MLPH: variants seen among roughly 807,000 people sequenced by gnomAD.
The protein encoded by MLPH is melanophilin.
MLPH carries 51 observed loss-of-function variants against 72.1 expected under a neutral mutation model. That is an observed-to-expected ratio of 0.71 (90% confidence interval 0.56 to 0.89). The LOEUF is 0.89. MLPH is among the 40% of genes least tolerant of loss of function. The pLI is 0.00. For missense variants in MLPH, 743 were observed against 759.9 expected (o/e 0.98, Z 0.26); for synonymous variants, 301 against 310.1 (o/e 0.97, Z 0.31).
At chr2:237,525,454 T>C (rs143443817) in intron 6 of MLPH, 147 bp from the exon 7 acceptor site, 4 of 728,162 alleles carry the variant, frequency 5.5e-6, no homozygotes, top group South Asian at 3.3e-5. Context: ...CAGAACTGAG[T>C]GGCAGGGGCC....
chr2:237,516,958 T>C (rs564093044), intron 4 of MLPH, among the ~76,000 whole-genome samples: 139 of 149,946 alleles, frequency 9.3e-4, no homozygotes, highest in African/African-American at 3.2e-3. Flanking sequence ...GATAGGTGGA[T>C]AGATAGGTGG....
In MLPH at chr2:237,540,491, C is replaced by T. The variant is rs767501322; in HGVS notation, c.1248C>T (p.Asn416=). The T allele has an allele frequency of 6.2e-7, 1 of 1,612,902 alleles. No homozygotes were observed. Among genetic ancestry groups the T allele is most frequent in the Non-Finnish European group, 8.5e-7 (1 of 1,179,950 alleles). ...CCAAGGACGAAAAGGCAGAGCCCAA[C>T]AGGGACAAATCAGTTGGGCCTCTCC... is the stretch of plus-strand genomic sequence containing the variant. The part of the protein sequence containing the change: ...EEAKDEKAEP[N]RDKSVGPLPQ... The change falls in exon 10 of 16, where the codon AAC becomes AAT. Residue 416 remains asparagine (N), a synonymous_variant. Coordinates refer to ENST00000264605, the MANE Select transcript of MLPH (RefSeq NM_024101.7).
At position 237,540,110 on chromosome 2, in the gene MLPH, A is replaced by G. The variant is rs13429623; in HGVS notation, c.1105-238A>G. 0.26 allele frequency among the ~76,000 whole-genome samples: 40,139 copies of G among 152,210 alleles called. 8,248 individuals are homozygous for G. Among genetic ancestry groups the G allele is most frequent in the African/African-American group, 0.57 (23,471 of 41,494 alleles). ...GAGAAAAAAAATGTGGGTCTTAGAT[A>G]GCCAGGGGTGGTGGTCAGCTTTCCC... On this transcript the variant is annotated intron_variant, in intron 9 of 15. Transcript: ENST00000264605.
intron 2 of MLPH, among the ~76,000 whole-genome samples, chr2:237,494,287 C>G (rs953564387): frequency 6.6e-5 from 10 of 152,098 alleles, no homozygotes; most frequent in Non-Finnish European, 1.3e-4. Context: ...GGGCAGAGGG[C>G]CCCGCTGAAG....
chr2:237,530,264 G>A (rs140774152), intron 8 of MLPH, among the ~76,000 whole-genome samples: 252 of 152,306 alleles, frequency 1.7e-3, no homozygotes, highest in Non-Finnish European at 2.8e-3. Context: ...TCATTCAGCA[G>A]GAAATCTGTC....
At chr2:237,489,073 G>A (rs1163509004) in intron 1 of MLPH, among the ~76,000 whole-genome samples, 2 of 152,214 alleles carry the variant, frequency 1.3e-5, no homozygotes, top group African/African-American at 4.8e-5. Flanking sequence ...TACAGATGGG[G>A]AAACTAAGAC....
At chr2:237,489,756 C>G (rs1181858021) in intron 1 of MLPH, among the ~76,000 whole-genome samples, 1 of 152,176 alleles carries the variant, frequency 6.6e-6, no homozygotes, top group Non-Finnish European at 1.5e-5. Flanking sequence ...AGCAGCCAGC[C>G]CAAGAGCTAG....
At chr2:237,552,279 T>C in intron 14 of MLPH, 58 bp from the exon 15 acceptor site, 1 of 1,484,216 alleles carries the variant, frequency 6.7e-7, no homozygotes. Context: ...CCAAGGCACT[T>C]GTTTGGGCTA....
At position 237,542,790 on chromosome 2, in the gene MLPH, G is replaced by C. The variant is rs1239684497; in HGVS notation, c.1539+131G>C. ...GAGTGGGGACAGTGGTGAGTGGGGGGACAGTGGTGAGTGGAGGGACAGTGG... is the reference window on the plus strand; with the variant it reads ...GAGTGGGGACAGTGGTGAGTGGGGGCACAGTGGTGAGTGGAGGGACAGTGG... On this transcript the variant is annotated intron_variant, in intron 12 of 15. Transcript: ENST00000264605. 7.4e-5 allele frequency: 21 copies of C among 283,232 alleles called. 3 individuals are homozygous for C. In the African/African-American group the frequency reaches 2.0e-3, roughly 27 times the overall value. 17.5% of individuals were successfully genotyped at this position (283,232 alleles called of 1,614,324 possible).
At chr2:237,529,450 A>G (rs571730404) in intron 8 of MLPH, among the ~76,000 whole-genome samples, 20 of 152,358 alleles carry the variant, frequency 1.3e-4, no homozygotes, top group African/African-American at 4.8e-4. Context: ...GAAATAATTC[A>G]TCACAAGATT....
chr2:237,510,082 G>A lies in MLPH; in HGVS notation c.111-492G>A, dbSNP rs2079857341. 1 of 225,044 alleles carries A rather than the reference G, an allele frequency of 4.4e-6. No individual in the cohort carries two copies. The highest frequency in any genetic ancestry group is 1.1e-4 in the East Asian group (1 of 9,228). The allele number at this position is 225,044 out of a possible 1,614,324, so 13.9% of individuals were successfully genotyped here. ...CTAGGAGAACTGTAGACTTCCGGGTGCTAGATGATTCCTGCTCTGGAAACT... is the reference window on the plus strand; with the variant it reads ...CTAGGAGAACTGTAGACTTCCGGGTACTAGATGATTCCTGCTCTGGAAACT... On this transcript the variant is annotated intron_variant, in intron 2 of 15. Transcript: ENST00000264605. This position sits in a 1 kb window ranked among gnomAD's most constrained non-coding sequence, Gnocchi z 4.4.
intron 1 of MLPH, among the ~76,000 whole-genome samples, chr2:237,491,852 C>T (rs2079434580): frequency 6.6e-6 from 1 of 152,210 alleles, no homozygotes; most frequent in Non-Finnish European, 1.5e-5. Flanking sequence ...ACCACCACTG[C>T]ATCACTCCCC....
At chr2:237,514,389 C>T (rs947347247) in intron 4 of MLPH, among the ~76,000 whole-genome samples, 1 of 152,138 alleles carries the variant, frequency 6.6e-6, no homozygotes, top group South Asian at 2.1e-4. Flanking sequence ...ATAAACCGTG[C>T]ATGCCCAGCC....
intron 2 of MLPH, among the ~76,000 whole-genome samples, chr2:237,501,458 T>G (rs1187092996): frequency 6.6e-6 from 1 of 151,974 alleles, no homozygotes; most frequent in Non-Finnish European, 1.5e-5. Context: ...GAGCTTGCTG[T>G]GTATTGGTGT....
At chr2:237,525,544 G>C (rs1477629216) in intron 6 of MLPH, 57 bp from the exon 7 acceptor site, 2 of 1,578,712 alleles carry the variant, frequency 1.3e-6, no homozygotes, top group African/African-American at 2.7e-5. Context: ...CCACATTCCA[G>C]GCAGCGGCCC....
Position 237,493,537 on chromosome 2 carries a change from G to C in MLPH, c.110+1G>C. ...GAAGGAAAGAAGAGGAACGGCTAGA[G>C]TGAGTGTGCCGTGCTGAGCCCACGG... On this transcript the variant is annotated splice_donor_variant, in intron 2 of 15. Transcript: ENST00000264605. LOFTEE classifies it high-confidence loss of function. 1 of 1,612,020 alleles carries C rather than the reference G, an allele frequency of 6.2e-7. No homozygotes were observed. The highest frequency in any genetic ancestry group is 8.5e-7 in the Non-Finnish European group (1 of 1,178,246).
chr2:237,542,728 G>T (rs1265376957), intron 12 of MLPH, 69 bp downstream of exon 12: 3 of 1,046,338 alleles, frequency 2.9e-6, no homozygotes, highest in Non-Finnish European at 4.1e-6. Flanking sequence ...GCGGACAGTG[G>T]TGAGTGGGGG....
intron 8 of MLPH, among the ~76,000 whole-genome samples, chr2:237,528,679 T>C (rs1297912630): frequency 6.7e-6 from 1 of 149,344 alleles, no homozygotes; most frequent in Non-Finnish European, 1.5e-5. Flanking sequence ...TACAGTGTTG[T>C]GTAACCACCA....
rs931462191 is a variant in MLPH, at chr2:237,527,497, G to A, written c.1001G>A (p.Arg334Gln). 56 of 1,614,040 alleles carry A rather than the reference G, an allele frequency of 3.5e-5. No individual in the cohort carries two copies. The highest frequency in any genetic ancestry group is 2.2e-4 in the Admixed American group (13 of 59,994). The stretch of plus-strand genomic sequence containing the variant: ...TCCCACCATTCCAAGCGGAGAGGCC[G>A]GGCGTCTTCTGAGAGTCAGGTAACG... ...MASHHSKRRGRASSESQIFEL... is the reference protein window; with the variant it reads ...MASHHSKRRGQASSESQIFEL... Residue 334 changes from arginine to glutamine, a missense_variant, in exon 8 of 16, where the codon CGG (arginine) becomes CAG (glutamine). Transcript: ENST00000264605.
Sources: allele counts gnomAD v4.1 joint callset (sites outside exome capture counted in the v4.1 genomes callset), GRCh38; gene constraint gnomAD v4.1.1; non-coding constraint Gnocchi (gnomAD v3.1); transcripts MANE v1.5; gene names NCBI Gene and HGNC (gene_info 2026-07-23, HGNC 2026-07-21).